SPACA6: variants seen among roughly 807,000 people sequenced by gnomAD.
The protein encoded by SPACA6 is sperm acrosome membrane-associated protein 6.
For missense variants in SPACA6, 8 were observed against 2.8 expected (o/e 2.88, Z -1.34); for synonymous variants, 6 against 1.5 (o/e 4.05, Z -2.21).
At chr19:51,690,027 G>A (rs78367065), upstream of SPACA6, among the ~76,000 whole-genome samples, 12,370 of 146,690 alleles carry the variant, frequency 0.084, 663 homozygotes, top group Non-Finnish European at 0.12. Flanking sequence ...GGAGGGGGCC[G>A]AGGAGGAGGG....
At chr19:51,691,096 T>TCAG (rs60973759), upstream of SPACA6, among the ~76,000 whole-genome samples, 127,795 of 150,274 alleles carry the variant, frequency 0.85, 54,902 homozygotes, top group East Asian at 1. Context: ...CTCCCCCTCC[T>TCAG]CAGGTCGCTA....
chr19:51,686,195 T>C (rs1368927828), upstream of SPACA6: 2 of 152,218 alleles, frequency 1.3e-5, no homozygotes, highest in Non-Finnish European at 2.9e-5. Flanking sequence ...ATGGGAATTA[T>C]GGTCACTGTT....
upstream of SPACA6, chr19:51,693,303 G>A (rs770326371): frequency 1.3e-6 from 1 of 754,036 alleles, no homozygotes; most frequent in East Asian, 2.5e-5. Context: ...GACATCCAGG[G>A]TCACAGGTGA....
upstream of SPACA6, among the ~76,000 whole-genome samples, chr19:51,690,888 C>T (rs536837695): frequency 6.0e-5 from 9 of 150,950 alleles, no homozygotes; most frequent in African/African-American, 1.2e-4. Flanking sequence ...CAGGCCTGGG[C>T]TCCGGGCCAG....
At chr19:51,702,921 G>C (rs1568619384) in intron 4 of SPACA6, 100 bp from the exon 5 acceptor site, 5 of 398,994 alleles carry the variant, frequency 1.3e-5, no homozygotes, top group Non-Finnish European at 2.2e-5. Context: ...GATGCCACCT[G>C]GCCGATGGAC....
chr19:51,707,931 G>A (rs1192739111), downstream of SPACA6, among the ~76,000 whole-genome samples: 17 of 152,244 alleles, frequency 1.1e-4, no homozygotes, highest in Admixed American at 1.1e-3. Context: ...GTCTCCATGG[G>A]AGCTGGGATG....
chr19:51,704,611 G>A (rs2083500197), intron 8 of SPACA6, 131 bp downstream of exon 8: 1 of 399,230 alleles, frequency 2.5e-6, no homozygotes, highest in Non-Finnish European at 4.4e-6. Context: ...TCAGACCCAC[G>A]AGTCCAGGTC....
At chr19:51,712,879 C>A (rs754761261), downstream of SPACA6, among the ~76,000 whole-genome samples, 8 of 152,148 alleles carry the variant, frequency 5.3e-5, no homozygotes, top group Non-Finnish European at 1.2e-4. Flanking sequence ...TGCCAGTGTG[C>A]GGCAGGTGGC....
At chr19:51,690,923 G>A (rs1425619483), upstream of SPACA6, among the ~76,000 whole-genome samples, 9 of 151,842 alleles carry the variant, frequency 5.9e-5, no homozygotes, top group Admixed American at 5.2e-4. Flanking sequence ...GTGGGGGCGG[G>A]GGCAGCCTCC....
chr19:51,691,223 G>T (rs1328594934), upstream of SPACA6, among the ~76,000 whole-genome samples: 2 of 151,624 alleles, frequency 1.3e-5, no homozygotes, highest in Non-Finnish European at 2.9e-5. Context: ...AGAAGGGAGG[G>T]AGACCCAAAG....
chr19:51,709,138 A>G (rs2083530133), downstream of SPACA6, among the ~76,000 whole-genome samples: 1 of 150,882 alleles, frequency 6.6e-6, no homozygotes, highest in Non-Finnish European at 1.5e-5. Context: ...CCGAGGCTTG[A>G]GCTTGAGAGG....
intron 3 of SPACA6, 140 bp downstream of exon 3, chr19:51,701,866 A>G (rs2083471033): frequency 2.6e-6 from 1 of 377,402 alleles, no homozygotes; most frequent in African/African-American, 2.1e-5. Context: ...TGAGATCAGG[A>G]GTTCAAAAGC....
At chr19:51,689,457 G>C (rs1046492074), upstream of SPACA6, 2 of 152,400 alleles carry the variant, frequency 1.3e-5, no homozygotes, top group Non-Finnish European at 2.9e-5. Flanking sequence ...CGGGAGGAAG[G>C]GGAGAGGCCG....
rs2083489320 is a variant in SPACA6 at position 51,703,774 on chromosome 19, G to C, written c.574-256G>C. 6.6e-6 allele frequency among the ~76,000 whole-genome samples: 1 copy of C among 152,076 alleles called. No homozygotes were observed. ...GATCGCGCCACTGCACTGCAGCCTG[G>C]GCGCCAGAACGAGACCCTGTCTGGA... is the stretch of plus-strand genomic sequence containing the variant. On this transcript the variant is annotated intron_variant, in intron 6 of 8. Transcript: ENST00000637797. The surrounding 1 kb of genome is among the most constrained non-coding windows in gnomAD (Gnocchi z 4.2).
Position 51,703,088 on chromosome 19 carries a change from G to A in SPACA6, c.453G>A (p.Leu151=). 2.5e-6 allele frequency: 1 copy of A among 399,508 alleles called. No homozygotes were observed. Among genetic ancestry groups the A allele is most frequent in the Non-Finnish European group, 4.4e-6 (1 of 226,372 alleles). The allele number at this position is 399,508 out of a possible 1,614,324, so 24.7% of individuals were successfully genotyped here. Residue 151 remains leucine (L), a synonymous_variant, in exon 5 of 9, where the codon CTG becomes CTA. Coordinates refer to ENST00000637797, the MANE Select transcript of SPACA6 (RefSeq NM_001316972.2). This position sits in a 1 kb window ranked among gnomAD's most constrained non-coding sequence, Gnocchi z 4.2. Reference sequence around the variant, plus strand: ...ACTCTAGGGTCTGCGACCTCCCGCTGGACTGCCCAGGTGAGGGGGCGGGGC... The same window carrying A: ...ACTCTAGGGTCTGCGACCTCCCGCTAGACTGCCCAGGTGAGGGGGCGGGGC... ...GCYSRVCDLP[L]DCPVQDVTVT...
At chr19:51,694,295 A>G (rs565209889) in intron 1 of SPACA6, 183 bp from the exon 2 acceptor site, 69 of 277,162 alleles carry the variant, frequency 2.5e-4, no homozygotes, top group Non-Finnish European at 4.0e-4. Flanking sequence ...TCGGGGGCAG[A>G]GACTCAGGGA....
chr19:51,696,155 G>A (rs2083429364), intron 2 of SPACA6, among the ~76,000 whole-genome samples: 1 of 152,086 alleles, frequency 6.6e-6, no homozygotes, highest in African/African-American at 2.4e-5. Context: ...AAGAAGTAGG[G>A]GCAGCTCTGG....
rs2083486158 is a variant in SPACA6 at position 51,703,444 on chromosome 19, G to A, written c.573+107G>A. Reference sequence around the variant, plus strand: ...ACGGGACTCCGGGAATCTCCGTCTAGACACAAGCATCAGCAAGAGGAGGGT... The same window carrying A: ...ACGGGACTCCGGGAATCTCCGTCTAAACACAAGCATCAGCAAGAGGAGGGT... On this transcript the variant is annotated intron_variant, in intron 6 of 8. Coordinates refer to ENST00000637797, the MANE Select transcript of SPACA6 (RefSeq NM_001316972.2). The surrounding 1 kb of genome is among the most constrained non-coding windows in gnomAD (Gnocchi z 4.2). 2.5e-6 allele frequency: 1 copy of A among 397,618 alleles called. No individual in the cohort carries two copies. Among genetic ancestry groups the A allele is most frequent in the Non-Finnish European group, 4.4e-6 (1 of 225,538 alleles). 24.6% of individuals were successfully genotyped at this position (397,618 alleles called of 1,614,324 possible).
intron 2 of SPACA6, among the ~76,000 whole-genome samples, chr19:51,700,712 C>T (rs981044008): frequency 3.3e-5 from 5 of 152,000 alleles, no homozygotes; most frequent in African/African-American, 7.2e-5. Context: ...TATTTACTTA[C>T]GAGACAGACA....
Sources: gnomAD v4.1 joint callset for allele counts (sites outside exome capture counted in the v4.1 genomes callset) on GRCh38, gnomAD v4.1.1 for gene constraint, Gnocchi (gnomAD v3.1) non-coding constraint, MANE v1.5 for transcripts, NCBI Gene and HGNC (gene_info 2026-07-23, HGNC 2026-07-21) for gene names.